The following CELF2 variants were observed in gnomAD, a reference collection of about 807,000 sequenced individuals.
The protein encoded by CELF2 is CUGBP Elav-like family member 2.
CELF2 carries 8 observed loss-of-function variants against 62.6 expected under a neutral mutation model. The observed-to-expected ratio is 0.13, with a 90% CI of 0.07 to 0.23. The LOEUF is 0.23. Among genes scored for constraint, CELF2 ranks in the 10% least tolerant of loss-of-function variants. The pLI, the probability that CELF2 is intolerant of heterozygous loss-of-function variation, is 1.00. For synonymous variants in CELF2, 258 were observed against 250.0 expected (o/e 1.03, Z -0.30); for missense variants, 333 against 671.0 (o/e 0.50, Z 5.56).
intron 2 of CELF2, among the ~76,000 whole-genome samples, chr10:10,975,426 G>A (rs191514052): frequency 9.8e-5 from 15 of 152,286 alleles, no homozygotes; most frequent in East Asian, 7.7e-4. Flanking sequence ...GAGCCACTGC[G>A]CCTGGCCAAC....
At chr10:10,703,117 A>G in the CELF2 span, among the ~76,000 whole-genome samples, 1 of 152,244 alleles carries the variant, frequency 6.6e-6, no homozygotes, top group African/African-American at 2.4e-5. Context: ...AGCACCTTCT[A>G]TCGCTCTGTC....
At chr10:10,945,927 T>C (rs111937341) in intron 2 of CELF2, 1 of 152,644 alleles carries the variant, frequency 6.6e-6, no homozygotes, top group Admixed American at 6.5e-5. Flanking sequence ...GCTGGTTTGA[T>C]TGAGAAAACC....
At chr10:10,840,023 G>T (rs1425761058) in intron 1 of CELF2, among the ~76,000 whole-genome samples, 7 of 152,034 alleles carry the variant, frequency 4.6e-5, no homozygotes, top group Non-Finnish European at 1.0e-4. Context: ...CTATGTATTT[G>T]CATGGCTTGA....
intron 1 of CELF2, among the ~76,000 whole-genome samples, chr10:11,036,068 T>C (rs1035276493): frequency 2.6e-5 from 4 of 152,244 alleles, no homozygotes; most frequent in African/African-American, 9.6e-5. Context: ...GGAAGCTGTC[T>C]GATCTGCATG....
chr10:11,213,286 A>C (rs968726578), intron 2 of CELF2, among the ~76,000 whole-genome samples: 1 of 152,220 alleles, frequency 6.6e-6, no homozygotes, highest in Admixed American at 6.5e-5. Context: ...CAGAGCCTGC[A>C]GGGGAGGAGG....
chr10:10,620,003 G>C, the CELF2 span, among the ~76,000 whole-genome samples: 1 of 152,048 alleles, frequency 6.6e-6, no homozygotes, highest in Non-Finnish European at 1.5e-5. Context: ...CTTTAGCCAA[G>C]TATCACGAAA....
chr10:11,107,189 A>G (rs544868945), intron 1 of CELF2, among the ~76,000 whole-genome samples: 3 of 152,286 alleles, frequency 2.0e-5, no homozygotes, highest in East Asian at 3.9e-4. Context: ...AAGGCGGCCA[A>G]CTCAGGTGTC....
chr10:11,013,432 C>A (rs2056782934), upstream of CELF2, among the ~76,000 whole-genome samples: 1 of 152,150 alleles, frequency 6.6e-6, no homozygotes, highest in East Asian at 1.9e-4. This position sits in a 1 kb window ranked among gnomAD's most constrained non-coding sequence, Gnocchi z 4.1. Flanking sequence ...AAGCTGCAGA[C>A]CACGCTAGTG....
chr10:10,862,606 G>C (rs2060109845), intron 1 of CELF2, among the ~76,000 whole-genome samples: 1 of 152,170 alleles, frequency 6.6e-6, no homozygotes, highest in African/African-American at 2.4e-5. Context: ...GTATTCTAAT[G>C]GTTACAAGTG....
At chr10:11,148,451 AC>A (rs2062677424) in intron 1 of CELF2, among the ~76,000 whole-genome samples, 1 of 152,234 alleles carries the variant, frequency 6.6e-6, no homozygotes, top group Non-Finnish European at 1.5e-5. Context: ...CAATAGAAAT[AC>A]AGGGCTGTAA....
rs1313383746 is a variant in CELF2, at chr10:11,267,536, T to C, written c.618+859T>C. On this transcript the variant is annotated intron_variant, in intron 6 of 12. Transcript: ENST00000633077. This position sits in a 1 kb window ranked among gnomAD's most constrained non-coding sequence, Gnocchi z 4.4. Reference sequence around the variant, plus strand: ...CTGTATCTTTGTGTATGGGTGATCTTTTCCGGAGGTGGCCTTGTGGTGTTA... The same window carrying C: ...CTGTATCTTTGTGTATGGGTGATCTCTTCCGGAGGTGGCCTTGTGGTGTTA... Among the ~76,000 whole-genome samples the C allele has an allele frequency of 6.6e-6, 1 of 152,258 alleles. No individual in the cohort carries two copies. Among genetic ancestry groups the C allele is most frequent in the Non-Finnish European group, 1.5e-5 (1 of 68,042 alleles).
the CELF2 span, among the ~76,000 whole-genome samples, chr10:10,493,902 T>C: frequency 1.8e-4 from 28 of 152,322 alleles, no homozygotes; most frequent in Middle Eastern, 3.4e-3. Flanking sequence ...GATCATAATG[T>C]TGTTCTCTGC....
At position 11,243,347 on chromosome 10, in the gene CELF2, C is replaced by CA. The variant is rs1233373052; in HGVS notation, c.355-5802dup. On this transcript the variant is annotated intron_variant, in intron 3 of 12. Coordinates refer to ENST00000633077, the MANE Select transcript of CELF2 (RefSeq NM_001326342.2). The surrounding 1 kb of genome is among the most constrained non-coding windows in gnomAD (Gnocchi z 4.1). Reference sequence around the variant, plus strand: ...ATGTACCTTAACGTGCGGCTTTAGGCAAAATGTTATTCAAAAAAAAAAAAA... The same window carrying CA: ...ATGTACCTTAACGTGCGGCTTTAGGCAAAAATGTTATTCAAAAAAAAAAAAA... Among the ~76,000 whole-genome samples, 24 of 104,952 alleles carry CA rather than the reference C, an allele frequency of 2.3e-4. No homozygotes were observed. The highest frequency in any genetic ancestry group is 7.7e-5 in the Non-Finnish European group (4 of 51,880). 68.9% of individuals were successfully genotyped at this position (104,952 alleles called of 152,430 possible). A position where few individuals can be genotyped will look rare whatever the true frequency, so the allele number is the denominator to read the frequency against.
intron 1 of CELF2, among the ~76,000 whole-genome samples, chr10:11,148,244 A>G (rs2062640031): frequency 6.6e-6 from 1 of 152,226 alleles, no homozygotes. Flanking sequence ...GCCGTACTCA[A>G]TTGGTATTTT....
the CELF2 span, among the ~76,000 whole-genome samples, chr10:10,524,915 T>A: frequency 3.9e-5 from 6 of 152,208 alleles, no homozygotes; most frequent in Non-Finnish European, 8.8e-5. Flanking sequence ...AATATGCATG[T>A]ATGCATATAT....
chr10:11,257,336 C>CAAAAAAAAAAAAAAA (rs61363639), intron 4 of CELF2, among the ~76,000 whole-genome samples: 8 of 114,738 alleles, frequency 7.0e-5, no homozygotes, highest in East Asian at 2.6e-4. Flanking sequence ...AGACCATCTA[C>CAAAAAAAAAAAAAAA]AAAAAAAAAA....
the CELF2 span, among the ~76,000 whole-genome samples, chr10:10,728,321 T>C: frequency 6.8e-6 from 1 of 147,844 alleles, no homozygotes; most frequent in South Asian, 2.1e-4. Context: ...GGCGTGGTGG[T>C]GTGCGCCTGT....
the CELF2 span, among the ~76,000 whole-genome samples, chr10:10,668,955 C>CA: frequency 0.057 from 8,658 of 151,894 alleles, 515 homozygotes; most frequent in East Asian, 0.23. Context: ...GAGACCCTGA[C>CA]AAAAAAACAA....
rs1009421108 is a variant in CELF2, at chr10:11,178,304, C to G, written c.271+12622C>G. On this transcript the variant is annotated intron_variant, in intron 2 of 12. Coordinates refer to ENST00000633077, the MANE Select transcript of CELF2 (RefSeq NM_001326342.2). This position sits in a 1 kb window ranked among gnomAD's most constrained non-coding sequence, Gnocchi z 4.3. ...CCGTTTTACACAGGCCACCATACAG[C>G]TGCCAGGTGGCGCTGGCTCTTAGCT... 6.6e-6 allele frequency among the ~76,000 whole-genome samples: 1 copy of G among 152,234 alleles called. No individual in the cohort carries two copies. Among genetic ancestry groups the G allele is most frequent in the Non-Finnish European group, 1.5e-5 (1 of 68,036 alleles).
Sources: allele counts gnomAD v4.1 joint callset (sites outside exome capture counted in the v4.1 genomes callset), GRCh38; gene constraint gnomAD v4.1.1; non-coding constraint Gnocchi (gnomAD v3.1); transcripts MANE v1.5; gene names NCBI Gene and HGNC (gene_info 2026-07-23, HGNC 2026-07-21).